Variants in AGPS observed in about 807,000 individuals in gnomAD.
The protein encoded by AGPS is alkylglycerone phosphate synthase.
AGPS carries 26 observed loss-of-function variants against 90.7 expected under a neutral mutation model. The ratio of observed to expected loss-of-function variants is 0.29; its 90% CI spans 0.21 to 0.40. The LOEUF (loss-of-function observed/expected upper bound fraction) is 0.40. AGPS is among the 10% of genes least tolerant of loss of function. AGPS has a pLI of 1.00. For missense variants in AGPS, 540 were observed against 816.1 expected (o/e 0.66, Z 4.12); for synonymous variants, 294 against 285.3 (o/e 1.03, Z -0.31).
At chr2:177,438,979 G>T (rs967452276) in intron 5 of AGPS, among the ~76,000 whole-genome samples, 1 of 57,440 alleles carries the variant, frequency 1.7e-5, no homozygotes, top group Non-Finnish European at 3.5e-5. Flanking sequence ...TCTCATTCTT[G>T]CAATACACAC....
At chr2:177,446,306 A>G (rs765875060) in intron 8 of AGPS, among the ~76,000 whole-genome samples, 1 of 151,896 alleles carries the variant, frequency 6.6e-6, no homozygotes, top group Non-Finnish European at 1.5e-5. Flanking sequence ...GGCACCCACT[A>G]CCGCGCCTGG....
intron 2 of AGPS, among the ~76,000 whole-genome samples, chr2:177,425,644 A>AAT: frequency 6.7e-6 from 1 of 150,202 alleles, no homozygotes; most frequent in African/African-American, 2.5e-5. Context: ...AAAAAAAAAA[A>AAT]GGAAATCCTT....
intron 1 of AGPS, among the ~76,000 whole-genome samples, chr2:177,403,114 G>A (rs1267659697): frequency 1.3e-5 from 2 of 152,126 alleles, no homozygotes; most frequent in South Asian, 2.1e-4. Flanking sequence ...CAATTACTTT[G>A]TGTCTTCCAT....
At chr2:177,503,272 A>G (rs1688612397) in intron 14 of AGPS, among the ~76,000 whole-genome samples, 1 of 152,194 alleles carries the variant, frequency 6.6e-6, no homozygotes, top group Non-Finnish European at 1.5e-5. Context: ...AACTTCTCCA[A>G]GAGCAGAGCA....
chr2:177,427,522 C>T (rs1686119141), intron 2 of AGPS, among the ~76,000 whole-genome samples: 1 of 152,128 alleles, frequency 6.6e-6, no homozygotes, highest in African/African-American at 2.4e-5. Flanking sequence ...GCTTTAGCTG[C>T]ACCCCAGAGA....
At chr2:177,526,418 C>T (rs951937727) in intron 19 of AGPS, among the ~76,000 whole-genome samples, 11 of 151,924 alleles carry the variant, frequency 7.2e-5, no homozygotes, top group East Asian at 1.9e-4. Flanking sequence ...TTAGTAGAGA[C>T]GGGTTTTCAC....
intron 1 of AGPS, among the ~76,000 whole-genome samples, chr2:177,399,379 T>C (rs1362186252): frequency 6.6e-6 from 1 of 152,228 alleles, no homozygotes; most frequent in Non-Finnish European, 1.5e-5. Flanking sequence ...TGCCTATTAG[T>C]GTTCTCTTTA....
At chr2:177,449,591 T>A (rs1479506846) in intron 8 of AGPS, among the ~76,000 whole-genome samples, 1 of 152,000 alleles carries the variant, frequency 6.6e-6, no homozygotes, top group African/African-American at 2.4e-5. Context: ...GCCTGGATAA[T>A]CTTTATATTT....
In AGPS at chr2:177,540,752, A is replaced by G. The variant is rs1468550888; in HGVS notation, c.*2557A>G. ...CTTTCTTAAATTAGTCATAGTTGCA[A>G]TAATTTACTTAAATTTGGTAATGTC... On this transcript the variant is annotated 3_prime_UTR_variant, in exon 20 of 20. Coordinates refer to ENST00000264167, the MANE Select transcript of AGPS (RefSeq NM_003659.4). 2 of 152,120 alleles carry G rather than the reference A, an allele frequency of 1.3e-5. No homozygotes were observed. Among genetic ancestry groups the G allele is most frequent in the African/African-American group, 4.8e-5 (2 of 41,438 alleles). The allele number at this position is 152,120 out of a possible 1,614,324, so 9.4% of individuals were successfully genotyped here. A position where few individuals can be genotyped will look rare whatever the true frequency, so the allele number is the denominator to read the frequency against.
At chr2:177,475,829 A>G (rs1274457930) in intron 10 of AGPS, among the ~76,000 whole-genome samples, 1 of 152,080 alleles carries the variant, frequency 6.6e-6, no homozygotes, top group Non-Finnish European at 1.5e-5. Flanking sequence ...TGCTGGCCAT[A>G]TAAGTCATAA....
intron 1 of AGPS, among the ~76,000 whole-genome samples, chr2:177,410,931 C>G (rs1279806368): frequency 6.6e-6 from 1 of 152,096 alleles, no homozygotes; most frequent in African/African-American, 2.4e-5. Flanking sequence ...GAGGGGGTAG[C>G]TTATTTCTAT....
intron 2 of AGPS, among the ~76,000 whole-genome samples, chr2:177,432,007 T>C (rs1424887972): frequency 1.3e-5 from 2 of 152,214 alleles, no homozygotes; most frequent in African/African-American, 4.8e-5. Context: ...CTGCCATGGC[T>C]CCAGCCGGTC....
At chr2:177,488,561 A>G (rs187672617) in intron 11 of AGPS, among the ~76,000 whole-genome samples, 27 of 152,278 alleles carry the variant, frequency 1.8e-4, no homozygotes, top group Non-Finnish European at 3.5e-4. Flanking sequence ...GATAACCAAC[A>G]TAATGCAATG....
chr2:177,392,828 G>C lies in AGPS; in HGVS notation c.39G>C (p.Leu13Phe). ...EAAAAAGGTG[L>F]GAGASYGSAA... ...CGGCTGCAGCGGGTGGGACTGGCTTGGGCGCGGGCGCGAGCTACGGGTCTG... is the reference window on the plus strand; with the variant it reads ...CGGCTGCAGCGGGTGGGACTGGCTTCGGCGCGGGCGCGAGCTACGGGTCTG... The change falls in exon 1 of 20, where the codon TTG becomes TTC. Residue 13 changes from leucine to phenylalanine, a missense_variant. Transcript: ENST00000264167. 6.5e-7 allele frequency: 1 copy of C among 1,534,496 alleles called. No homozygotes were observed. Among genetic ancestry groups the C allele is most frequent in the Non-Finnish European group, 8.7e-7 (1 of 1,147,744 alleles).
intron 12 of AGPS, among the ~76,000 whole-genome samples, chr2:177,495,908 ACT>A (rs1688399170): frequency 9.8e-6 from 1 of 101,914 alleles, no homozygotes; most frequent in Non-Finnish European, 1.9e-5. Context: ...ACACAGTGAG[ACT>A]CTGTCTCAAA....
chr2:177,445,492 T>A, intron 7 of AGPS, 54 bp from the exon 8 acceptor site: 1 of 1,415,782 alleles, frequency 7.1e-7, no homozygotes, highest in Non-Finnish European at 1.0e-6. Context: ...TTATATTTCC[T>A]GAGAAAATAT....
At chr2:177,461,156 G>A (rs547709237) in intron 8 of AGPS, among the ~76,000 whole-genome samples, 139 of 152,194 alleles carry the variant, frequency 9.1e-4, no homozygotes, top group Non-Finnish European at 1.6e-3. Flanking sequence ...TGTCTGTACC[G>A]TTTGAGAAGA....
At chr2:177,443,459 A>G (rs1196215003) in intron 7 of AGPS, among the ~76,000 whole-genome samples, 1 of 152,184 alleles carries the variant, frequency 6.6e-6, no homozygotes, top group African/African-American at 2.4e-5. Context: ...GCTTCTTGTC[A>G]TTTAACTCTT....
At position 177,539,091 on chromosome 2, in the gene AGPS, A is replaced by G. The variant is rs183835467; in HGVS notation, c.*896A>G. 7 of 152,178 alleles carry G rather than the reference A, an allele frequency of 4.6e-5. No homozygotes were observed. The highest frequency in any genetic ancestry group is 2.6e-4 in the Admixed American group (4 of 15,274). 9.4% of individuals were successfully genotyped at this position (152,178 alleles called of 1,614,324 possible). A position where few individuals can be genotyped will look rare whatever the true frequency, so the allele number is the denominator to read the frequency against. ...AAAACTCTTAGACTTAATGTCTCCA[A>G]TTGCAAGAATTGTTTCACTAAAGAA... On this transcript the variant is annotated 3_prime_UTR_variant, in exon 20 of 20. Transcript: ENST00000264167.
Sources: gnomAD v4.1 joint callset for allele counts (sites outside exome capture counted in the v4.1 genomes callset) on GRCh38, gnomAD v4.1.1 for gene constraint, MANE v1.5 for transcripts, NCBI Gene and HGNC (gene_info 2026-07-23, HGNC 2026-07-21) for gene names.